The following ATF6 variants were observed in gnomAD, a reference collection of about 807,000 sequenced individuals.
The protein encoded by ATF6 is cyclic AMP-dependent transcription factor ATF-6 alpha.
ATF6 carries 53 observed loss-of-function variants against 83.6 expected under a neutral mutation model. The ratio of observed to expected loss-of-function variants is 0.63; its 90% CI spans 0.51 to 0.80. ATF6 has a LOEUF of 0.80. ATF6 is among the 30% of genes least tolerant of loss of function. The pLI, the probability that ATF6 is intolerant of heterozygous loss-of-function variation, is 0.00. For missense variants in ATF6, 744 were observed against 797.9 expected (o/e 0.93, Z 0.81); for synonymous variants, 288 against 285.8 (o/e 1.01, Z -0.08).
chr1:161,768,566 G>C (rs1419376451), intron 1 of ATF6, among the ~76,000 whole-genome samples: 4 of 151,978 alleles, frequency 2.6e-5, no homozygotes, highest in African/African-American at 9.7e-5. Flanking sequence ...TGTTGTTGTT[G>C]TTGTTGTTTC....
At chr1:161,866,208 A>G (rs1457441415) in intron 14 of ATF6, among the ~76,000 whole-genome samples, 1 of 152,206 alleles carries the variant, frequency 6.6e-6, no homozygotes, top group African/African-American at 2.4e-5. Flanking sequence ...ATGTTATTTT[A>G]TTTTATGAAT....
At chr1:161,824,955 CTT>C (rs1310050614) in intron 9 of ATF6, among the ~76,000 whole-genome samples, 1 of 152,142 alleles carries the variant, frequency 6.6e-6, no homozygotes, top group Non-Finnish European at 1.5e-5. Flanking sequence ...AAATGAAAAA[CTT>C]TTTGTTTACA....
intron 12 of ATF6, 111 bp downstream of exon 12, chr1:161,853,434 C>G: frequency 1.3e-6 from 1 of 769,148 alleles, no homozygotes; most frequent in Non-Finnish European, 2.2e-6. Flanking sequence ...TTAGCCTCTT[C>G]CCACTGTCTC....
chr1:161,873,115 A>G (rs994023090), intron 14 of ATF6, among the ~76,000 whole-genome samples: 1 of 151,554 alleles, frequency 6.6e-6, no homozygotes, highest in Non-Finnish European at 1.5e-5. Flanking sequence ...ACAGAAAAGA[A>G]AAATAAAAGA....
At chr1:161,881,139 GTGT>G (rs1387757560) in intron 14 of ATF6, among the ~76,000 whole-genome samples, 1 of 152,076 alleles carries the variant, frequency 6.6e-6, no homozygotes, top group Non-Finnish European at 1.5e-5. Flanking sequence ...TTTTGTGTGT[GTGT>G]TGTTTTGTTT....
At chr1:161,869,177 G>A (rs950498204) in intron 14 of ATF6, among the ~76,000 whole-genome samples, 1 of 151,908 alleles carries the variant, frequency 6.6e-6, no homozygotes, top group Non-Finnish European at 1.5e-5. Context: ...AAATAGCAAT[G>A]ATATTTTCTA....
chr1:161,898,244 C>G (rs1432989044), intron 14 of ATF6, among the ~76,000 whole-genome samples: 2 of 152,146 alleles, frequency 1.3e-5, no homozygotes, highest in Non-Finnish European at 2.9e-5. Flanking sequence ...AATATCATAT[C>G]CAGGCTTTTG....
At chr1:161,805,552 G>T (rs778008786) in intron 7 of ATF6, among the ~76,000 whole-genome samples, 6 of 149,058 alleles carry the variant, frequency 4.0e-5, no homozygotes, top group Non-Finnish European at 8.9e-5. Context: ...TGTCCTAGCA[G>T]CAGGCCAACC....
At chr1:161,944,123 G>A (rs775177085) in intron 15 of ATF6, among the ~76,000 whole-genome samples, 1 of 152,210 alleles carries the variant, frequency 6.6e-6, no homozygotes, top group African/African-American at 2.4e-5. Flanking sequence ...CTGGTCTTCT[G>A]ATCCACATGC....
chr1:161,856,895 G>A (rs1415751126), intron 12 of ATF6, among the ~76,000 whole-genome samples: 1 of 152,140 alleles, frequency 6.6e-6, no homozygotes, highest in Non-Finnish European at 1.5e-5. Context: ...ATTTGGAGAT[G>A]TGTAGTTTAA....
intron 15 of ATF6, among the ~76,000 whole-genome samples, chr1:161,935,455 C>T (rs932928803): frequency 4.6e-5 from 7 of 152,192 alleles, no homozygotes; most frequent in African/African-American, 1.7e-4. Context: ...CAAACCCTCA[C>T]CAGACATTAA....
chr1:161,859,565 C>A (rs1686836891), intron 12 of ATF6, among the ~76,000 whole-genome samples: 1 of 152,108 alleles, frequency 6.6e-6, no homozygotes, highest in Non-Finnish European at 1.5e-5. Context: ...GTAATATGCC[C>A]TTGAAGTCTG....
intron 7 of ATF6, among the ~76,000 whole-genome samples, chr1:161,811,993 A>G (rs1265170368): frequency 2.0e-5 from 3 of 152,170 alleles, no homozygotes; most frequent in Non-Finnish European, 4.4e-5. Flanking sequence ...GGATTTTCAC[A>G]AAGTCTTTGT....
At chr1:161,779,820 C>T (rs1228216951) in intron 2 of ATF6, among the ~76,000 whole-genome samples, 1 of 152,070 alleles carries the variant, frequency 6.6e-6, no homozygotes, top group Non-Finnish European at 1.5e-5. Flanking sequence ...TCACTGCAAC[C>T]TCTGCCTCCC....
chr1:161,786,661 T>C (rs577217194), intron 4 of ATF6, among the ~76,000 whole-genome samples: 1 of 152,334 alleles, frequency 6.6e-6, no homozygotes, highest in East Asian at 1.9e-4. Context: ...TTTTTCCTTA[T>C]GCATTTCAGA....
rs986142482 is a variant in ATF6 at position 161,839,191 on chromosome 1, C to G, written c.1188-7258C>G. 1.2e-4 allele frequency among the ~76,000 whole-genome samples: 19 copies of G among 152,170 alleles called. 1 individual carries two copies. The South Asian group carries it at 3.5e-3, about 28-fold the overall frequency. On this transcript the variant is annotated intron_variant, in intron 9 of 15. Coordinates refer to ENST00000367942, the MANE Select transcript of ATF6 (RefSeq NM_007348.4). ...TTTATTTTTTGAAAAAGGAATACCT[C>G]TTATGAACCAGGAACTAGAACACCC...
chr1:161,892,173 A>G (rs1687570676), intron 14 of ATF6: 1 of 152,164 alleles, frequency 6.6e-6, no homozygotes, highest in African/African-American at 2.4e-5. Flanking sequence ...GATTGAAATA[A>G]AACTTGGTTA....
At chr1:161,767,688 C>G (rs568009770) in intron 1 of ATF6, among the ~76,000 whole-genome samples, 1 of 152,270 alleles carries the variant, frequency 6.6e-6, no homozygotes, top group Admixed American at 6.5e-5. Flanking sequence ...TTTTCTACCT[C>G]CAAAGTCTGT....
intron 7 of ATF6, among the ~76,000 whole-genome samples, chr1:161,813,643 C>G (rs192789947): frequency 6.6e-6 from 1 of 152,210 alleles, no homozygotes; most frequent in Non-Finnish European, 1.5e-5. Flanking sequence ...AATTGATAAA[C>G]CTGATATTGG....
Sources: allele counts gnomAD v4.1 joint callset (sites outside exome capture counted in the v4.1 genomes callset), GRCh38; gene constraint gnomAD v4.1.1; transcripts MANE v1.5; gene names NCBI Gene and HGNC (gene_info 2026-07-23, HGNC 2026-07-21).